Variants in ZNF442 observed in about 807,000 individuals in gnomAD.
ZNF442 encodes the protein zinc finger protein 442.
In ZNF442, 45 loss-of-function variants were observed where a neutral mutation model predicts 57.0. The ratio of observed to expected loss-of-function variants is 0.79; its 90% CI spans 0.62 to 1.01. The LOEUF is 1.01. Ranked by LOEUF, ZNF442 falls within the 50% of genes least tolerant of loss-of-function variation. The probability of loss-of-function intolerance (pLI) is 0.00; values close to 1 mark genes in which losing one functional copy is unlikely to be tolerated. For missense variants in ZNF442, 690 were observed against 756.5 expected, an observed-to-expected ratio of 0.91 and a Z score of 1.03; for synonymous variants, 213 against 241.8, an observed-to-expected ratio of 0.88 and a Z score of 1.10.
the ZNF442 span, among the ~76,000 whole-genome samples, chr19:12,371,108 G>T: frequency 6.6e-6 from 1 of 152,114 alleles, no homozygotes; most frequent in African/African-American, 2.4e-5. Flanking sequence ...ATCATGAATT[G>T]GAAGCTGGAA....
chr19:12,367,825 T>C (rs913121558), upstream of ZNF442, among the ~76,000 whole-genome samples: 112 of 152,022 alleles, frequency 7.4e-4, no homozygotes, highest in African/African-American at 2.6e-3. Context: ...CGTGCCACCA[T>C]GCCCGGCTAA....
At chr19:12,373,542 T>C in the ZNF442 span, 1 of 155,450 alleles carries the variant, frequency 6.4e-6, no homozygotes, top group South Asian at 1.8e-4. Context: ...ACTCTGTCTT[T>C]AAAAATAAAA....
chr19:12,372,989 GTCTTGA>G, the ZNF442 span, among the ~76,000 whole-genome samples: 1 of 152,174 alleles, frequency 6.6e-6, no homozygotes, highest in African/African-American at 2.4e-5. Flanking sequence ...GGCCAGGATG[GTCTTGA>G]TCTCCTGACA....
Position 12,350,831 on chromosome 19 carries a change from A to G in ZNF442, c.754T>C (p.Tyr252His), listed in dbSNP as rs1969219260. 2.3e-5 allele frequency: 37 copies of G among 1,614,050 alleles called. No individual in the cohort carries two copies. The highest frequency in any genetic ancestry group is 3.0e-5 in the Non-Finnish European group (35 of 1,180,010). Residue 252 changes from tyrosine to histidine, a missense_variant, in exon 6 of 6, where the codon TAT becomes CAT. Transcript: ENST00000242804. ...CCKAFPIYSS[Y>H]LRHERTHTGE... ...GTGTGTGTTCTTTCATGTCTTAGATAGGAACTGTAAATAGGGAAGGCTTTA... is the reference window on the plus strand; with the variant it reads ...GTGTGTGTTCTTTCATGTCTTAGATGGGAACTGTAAATAGGGAAGGCTTTA...
intron 5 of ZNF442, 99 bp downstream of exon 5, chr19:12,351,911 T>G (rs1969244668): frequency 9.5e-7 from 1 of 1,051,188 alleles, no homozygotes; most frequent in African/African-American, 1.6e-5. Context: ...AATAAGTTTG[T>G]ACTGGGCTCG....
At chr19:12,359,214 A>G (rs900596399) in intron 3 of ZNF442, among the ~76,000 whole-genome samples, 2 of 152,194 alleles carry the variant, frequency 1.3e-5, no homozygotes, top group Admixed American at 1.3e-4. Flanking sequence ...GCTGTGACAG[A>G]CTTTTTAATT....
At position 12,350,458 on chromosome 19, in the gene ZNF442, G is replaced by A. The variant is rs752031955; in HGVS notation, c.1127C>T (p.Pro376Leu). 3 of 1,613,884 alleles carry A rather than the reference G, an allele frequency of 1.9e-6. No individual in the cohort carries two copies. Among genetic ancestry groups the A allele is most frequent in the Admixed American group, 1.7e-5 (1 of 59,984 alleles). The change falls in exon 6 of 6, where the codon CCC becomes CTC. Residue 376 changes from proline (P) to leucine (L), a missense_variant. Pro to Leu is a moderately conservative substitution (Grantham distance 98, BLOSUM62 -3). Transcript: ENST00000242804. Reference protein sequence around the residue: ...SHERTHTGEKPYECKQCGKAL... With the variant: ...SHERTHTGEKLYECKQCGKAL... ...TTTCCCACACTGCTTGCATTCATAG[G>A]GTTTCTCTCCAGTGTGAGTTCTTTC...
chr19:12,358,946 C>T (rs756718672), intron 3 of ZNF442, among the ~76,000 whole-genome samples: 2 of 152,084 alleles, frequency 1.3e-5, no homozygotes. Flanking sequence ...AATAATGTGC[C>T]AAGCCAACCC....
rs146226078 is a variant in ZNF442, at chr19:12,349,026, CAAAAAAAAAAA to C, written c.*664_*674del. The C allele has an allele frequency of 4.1e-4, 24 of 59,000 alleles. No homozygotes were observed. Among genetic ancestry groups the C allele is most frequent in the African/African-American group, 9.2e-4 (18 of 19,522 alleles). 3.7% of individuals were successfully genotyped at this position (59,000 alleles called of 1,614,324 possible). A position where few individuals can be genotyped will look rare whatever the true frequency, so the allele number is the denominator to read the frequency against. On this transcript the variant is annotated 3_prime_UTR_variant, in exon 6 of 6. Transcript: ENST00000242804. Reference sequence around the variant, plus strand: ...TGAAACCCCGTCTCTACTAAAAATACAAAAAAAAAAAAAAAAAAAAAAAAATTAGCTGGGTG... The same window carrying C: ...TGAAACCCCGTCTCTACTAAAAATACAAAAAAAAAAAAAATTAGCTGGGTG...
At chr19:12,365,699 G>A, upstream of ZNF442, 1 of 204,236 alleles carries the variant, frequency 4.9e-6, no homozygotes. Flanking sequence ...CCTCCCGGCA[G>A]CGCGCCTGAC....
At chr19:12,351,516 C>CT (rs536529954) in intron 5 of ZNF442, among the ~76,000 whole-genome samples, 198 bp from the exon 6 acceptor site, 2 of 151,800 alleles carry the variant, frequency 1.3e-5, no homozygotes, top group African/African-American at 4.8e-5. Context: ...ACATGAAATT[C>CT]TTTTTTTTGA....
chr19:12,373,681 C>A, the ZNF442 span: 2 of 305,624 alleles, frequency 6.5e-6, no homozygotes, highest in South Asian at 3.5e-5. Context: ...TATGTGCCGC[C>A]AGTGTTTCTG....
chr19:12,352,170 G>T, intron 4 of ZNF442, 100 bp from the exon 5 acceptor site: 3 of 1,125,068 alleles, frequency 2.7e-6, no homozygotes, highest in Non-Finnish European at 3.8e-6. Flanking sequence ...TTCATTCACT[G>T]AATTGTAGCT....
chr19:12,364,203 C>G (rs916515678), intron 2 of ZNF442, among the ~76,000 whole-genome samples: 3 of 151,798 alleles, frequency 2.0e-5, no homozygotes, highest in African/African-American at 7.3e-5. Context: ...GTCATGAGTT[C>G]GAGATGAGCT....
chr19:12,360,265 A>C (rs556078658), intron 3 of ZNF442, among the ~76,000 whole-genome samples: 1 of 152,314 alleles, frequency 6.6e-6, no homozygotes, highest in East Asian at 1.9e-4. Flanking sequence ...TTTAATTGAG[A>C]ATGTCTAGCA....
intron 3 of ZNF442, among the ~76,000 whole-genome samples, chr19:12,354,874 G>C (rs965312398): frequency 1.3e-5 from 2 of 152,208 alleles, no homozygotes; most frequent in Non-Finnish European, 2.9e-5. Flanking sequence ...GACAATATAT[G>C]TGTTAATCAA....
the ZNF442 span, among the ~76,000 whole-genome samples, chr19:12,373,120 G>A: frequency 2.0e-5 from 3 of 152,172 alleles, no homozygotes; most frequent in Non-Finnish European, 2.9e-5. Flanking sequence ...GCCAGTGTGA[G>A]TTATGATAAG....
intron 5 of ZNF442, 112 bp from the exon 6 acceptor site, chr19:12,351,430 G>T: frequency 1.0e-6 from 1 of 969,090 alleles, no homozygotes; most frequent in Non-Finnish European, 1.5e-6. Context: ...TAGGCTTCAT[G>T]CACTGCTTGA....
the ZNF442 span, among the ~76,000 whole-genome samples, chr19:12,372,028 AC>A: frequency 1.3e-5 from 2 of 152,222 alleles, no homozygotes; most frequent in Non-Finnish European, 2.9e-5. Flanking sequence ...AATAGGAAAA[AC>A]ATCTTCAAAC....
Sources: allele counts gnomAD v4.1 joint callset (sites outside exome capture counted in the v4.1 genomes callset), GRCh38; gene constraint gnomAD v4.1.1; transcripts MANE v1.5; gene names NCBI Gene and HGNC (gene_info 2026-07-23, HGNC 2026-07-21).